SNTG2: variants seen among roughly 807,000 people sequenced by gnomAD.
The protein encoded by SNTG2 is syntrophin gamma 2.
In SNTG2, 74 loss-of-function variants were observed where a neutral mutation model predicts 70.9. That is an observed-to-expected ratio of 1.04 (90% CI 0.86 to 1.27). The LOEUF (loss-of-function observed/expected upper bound fraction) is 1.27, where lower values mean the gene tolerates loss of function less well. SNTG2 is among the 50% of genes most tolerant of loss of function. The probability of loss-of-function intolerance (pLI) is 0.00; values close to 1 mark genes in which losing one functional copy is unlikely to be tolerated. For missense variants in SNTG2, 717 were observed against 690.7 expected (o/e 1.04, Z -0.43); for synonymous variants, 278 against 273.8 (o/e 1.02, Z -0.15).
At chr2:1,231,914 C>G (rs1676279282) in intron 9 of SNTG2, among the ~76,000 whole-genome samples, 1 of 152,194 alleles carries the variant, frequency 6.6e-6, no homozygotes, top group Admixed American at 6.5e-5. Flanking sequence ...TGTGCTGAGG[C>G]CCTCAGCAAA....
intron 1 of SNTG2, among the ~76,000 whole-genome samples, chr2:962,804 A>G (rs1296251967): frequency 6.6e-6 from 1 of 152,214 alleles, no homozygotes; most frequent in Non-Finnish European, 1.5e-5. Flanking sequence ...TTCTAATTTG[A>G]TTGAGGAGAG....
At chr2:1,132,319 CAACACCCAAG>C (rs1008001936) in intron 4 of SNTG2, among the ~76,000 whole-genome samples, 5 of 151,926 alleles carry the variant, frequency 3.3e-5, no homozygotes, top group Non-Finnish European at 7.4e-5. Context: ...ATTTAATCTG[CAACACCCAAG>C]AACACAAATA....
chr2:1,193,030 G>A (rs1197585217), intron 8 of SNTG2, among the ~76,000 whole-genome samples: 1 of 152,208 alleles, frequency 6.6e-6, no homozygotes, highest in East Asian at 1.9e-4. Context: ...ACCCCTCTAT[G>A]AGGGGCTCAG....
chr2:1,071,105 AG>A (rs1225381071), intron 1 of SNTG2, among the ~76,000 whole-genome samples: 1 of 152,218 alleles, frequency 6.6e-6, no homozygotes, highest in African/African-American at 2.4e-5. Flanking sequence ...TGAAAGGAAG[AG>A]TGGCCATTGT....
At chr2:1,237,324 GT>G (rs1285886010) in intron 9 of SNTG2, among the ~76,000 whole-genome samples, 4 of 152,172 alleles carry the variant, frequency 2.6e-5, no homozygotes, top group African/African-American at 7.2e-5. Context: ...TGTAAAGTAT[GT>G]TTTTAAAAAA....
chr2:1,321,473 C>T (rs151249180), intron 16 of SNTG2, among the ~76,000 whole-genome samples: 25 of 152,230 alleles, frequency 1.6e-4, no homozygotes, highest in East Asian at 3.9e-4. Flanking sequence ...TTTAGGACCA[C>T]GGAGGGGGTG....
At chr2:988,502 G>A (rs1034449279) in intron 1 of SNTG2, among the ~76,000 whole-genome samples, 5 of 152,192 alleles carry the variant, frequency 3.3e-5, no homozygotes, top group Non-Finnish European at 7.3e-5. Flanking sequence ...TCACCCGTGA[G>A]GATGCGGGGT....
At chr2:1,286,291 GAGAAAAAC>G (rs1482502829) in intron 14 of SNTG2, among the ~76,000 whole-genome samples, 2 of 152,166 alleles carry the variant, frequency 1.3e-5, no homozygotes, top group African/African-American at 4.8e-5. Context: ...TCCTGGCTAT[GAGAAAAAC>G]AGTACCATAT....
At chr2:1,288,555 G>A (rs777249297) in intron 14 of SNTG2, among the ~76,000 whole-genome samples, 12 of 151,982 alleles carry the variant, frequency 7.9e-5, no homozygotes, top group Non-Finnish European at 1.6e-4. Flanking sequence ...ATGCATTCAC[G>A]TGCACACAGG....
intron 2 of SNTG2, among the ~76,000 whole-genome samples, chr2:1,096,017 C>A (rs1045141255): frequency 2.6e-5 from 4 of 152,100 alleles, no homozygotes; most frequent in African/African-American, 9.7e-5. Context: ...AGGGAATGAA[C>A]CCCCCCTTGG....
intron 8 of SNTG2, among the ~76,000 whole-genome samples, chr2:1,203,331 T>C (rs1474632409): frequency 1.3e-5 from 2 of 152,058 alleles, no homozygotes; most frequent in African/African-American, 4.8e-5. Context: ...ATAACACTGA[T>C]AACCAAAACC....
chr2:1,255,937 T>A (rs10178486), intron 12 of SNTG2, among the ~76,000 whole-genome samples: 911 of 67,828 alleles, frequency 0.013, 20 homozygotes, highest in Non-Finnish European at 0.019. Flanking sequence ...AATATATAAA[T>A]ATATATATAT....
intron 9 of SNTG2, among the ~76,000 whole-genome samples, chr2:1,234,610 G>A (rs1353171306): frequency 1.3e-5 from 2 of 152,168 alleles, no homozygotes; most frequent in African/African-American, 4.8e-5. Flanking sequence ...TGGCATAAAC[G>A]TGCCTGGACT....
chr2:1,073,134 C>T (rs927615625), intron 1 of SNTG2, among the ~76,000 whole-genome samples: 15 of 152,150 alleles, frequency 9.9e-5, no homozygotes, highest in African/African-American at 2.2e-4. Context: ...TAGAATATTC[C>T]GTGAGCTTAG....
At chr2:1,000,432 A>T (rs984828160) in intron 1 of SNTG2, among the ~76,000 whole-genome samples, 1 of 151,890 alleles carries the variant, frequency 6.6e-6, no homozygotes, top group African/African-American at 2.4e-5. Context: ...AGAAATGATA[A>T]ATATGACACT....
chr2:1,257,614 T>C (rs1370060723), intron 12 of SNTG2, among the ~76,000 whole-genome samples: 2 of 152,218 alleles, frequency 1.3e-5, no homozygotes, highest in East Asian at 3.9e-4. Context: ...CCCTGCTGTT[T>C]TGTCACATAT....
chr2:1,052,411 A>G (rs1169589979), intron 1 of SNTG2, among the ~76,000 whole-genome samples: 3 of 151,976 alleles, frequency 2.0e-5, no homozygotes, highest in Admixed American at 6.5e-5. Flanking sequence ...CATTCTTGCT[A>G]TTTTCTTGTG....
chr2:1,017,387 A>G (rs966065412), intron 1 of SNTG2, among the ~76,000 whole-genome samples: 5 of 151,446 alleles, frequency 3.3e-5, no homozygotes, highest in Non-Finnish European at 5.9e-5. Context: ...GTATACACAC[A>G]TACACATGCA....
At chr2:996,981 T>A (rs1169048051) in intron 1 of SNTG2, among the ~76,000 whole-genome samples, 1 of 152,136 alleles carries the variant, frequency 6.6e-6, no homozygotes, top group African/African-American at 2.4e-5. Flanking sequence ...ACCCTATGTG[T>A]GTCTGGTCAT....
Sources: gnomAD v4.1 joint callset for allele counts (sites outside exome capture counted in the v4.1 genomes callset) on GRCh38, gnomAD v4.1.1 for gene constraint, MANE v1.5 for transcripts, NCBI Gene and HGNC (gene_info 2026-07-23, HGNC 2026-07-21) for gene names.